ABCA13: variants seen among roughly 807,000 people sequenced by gnomAD.
ABCA13 encodes ATP-binding cassette sub-family A member 13.
Under a neutral mutation model 478.7 loss-of-function variants are expected in ABCA13, and 476 were observed. That is an observed-to-expected ratio of 0.99 (90% confidence interval 0.92 to 1.07). The LOEUF is 1.07. Ranked by LOEUF, ABCA13 falls within the 50% of genes least tolerant of loss-of-function variation. ABCA13 has a pLI of 0.00. For missense variants in ABCA13, 6,060 were observed against 5,910.6 expected (o/e 1.03, Z -0.83); for synonymous variants, 2,252 against 2,158.9 (o/e 1.04, Z -1.20).
chr7:48,555,846 A>T (rs73109385), intron 55 of ABCA13, among the ~76,000 whole-genome samples: 1 of 150,770 alleles, frequency 6.6e-6, no homozygotes, highest in East Asian at 1.9e-4. Context: ...ATTTTTTACC[A>T]ATTTTGGGTT....
intron 55 of ABCA13, among the ~76,000 whole-genome samples, chr7:48,558,150 C>T (rs918076714): frequency 5.6e-5 from 8 of 141,792 alleles, no homozygotes; most frequent in Admixed American, 7.2e-5. Flanking sequence ...TTCCTTTCTC[C>T]ATCCCTCCCT....
chr7:48,266,391 T>G (rs1445414220), intron 15 of ABCA13, among the ~76,000 whole-genome samples: 2 of 151,854 alleles, frequency 1.3e-5, no homozygotes, highest in African/African-American at 4.8e-5. Flanking sequence ...TGAAGCCATC[T>G]AGGCTTTTAG....
intron 29 of ABCA13, among the ~76,000 whole-genome samples, chr7:48,344,097 G>A (rs1425510661): frequency 2.0e-5 from 3 of 152,194 alleles, no homozygotes; most frequent in Non-Finnish European, 2.9e-5. Context: ...GTGATTTGGT[G>A]AGTAGAAGTT....
intron 55 of ABCA13, among the ~76,000 whole-genome samples, 154 bp downstream of exon 55, chr7:48,528,499 G>T (rs1434898033): frequency 6.6e-6 from 1 of 152,134 alleles, no homozygotes; most frequent in Non-Finnish European, 1.5e-5. Context: ...GTGGGGAAAA[G>T]TTTCCAAATA....
intron 59 of ABCA13, chr7:48,626,515 A>G (rs537311585): frequency 1.1e-5 from 8 of 719,086 alleles, no homozygotes; most frequent in East Asian, 2.7e-4. Flanking sequence ...AGGTAAAAAA[A>G]AGGCAAAATA....
intron 41 of ABCA13, among the ~76,000 whole-genome samples, chr7:48,422,773 C>A (rs1045265107): frequency 1.7e-4 from 26 of 152,118 alleles, no homozygotes; most frequent in Non-Finnish European, 8.8e-5. Context: ...CAGGAGATAT[C>A]CCAAATTATC....
At chr7:48,336,917 A>G (rs997303990) in intron 28 of ABCA13, among the ~76,000 whole-genome samples, 6 of 152,242 alleles carry the variant, frequency 3.9e-5, no homozygotes, top group Non-Finnish European at 7.3e-5. Context: ...CTCATGCAAT[A>G]TTATAAGCAC....
At chr7:48,194,716 A>C (rs966700151) in intron 2 of ABCA13, among the ~76,000 whole-genome samples, 39 of 152,220 alleles carry the variant, frequency 2.6e-4, no homozygotes, top group Non-Finnish European at 5.4e-4. Flanking sequence ...TTTAGGTTTT[A>C]CACATATTAG....
rs1785342490 is a variant in ABCA13, at chr7:48,551,744, A to G, written c.14354+23399A>G. On this transcript the variant is annotated intron_variant, in intron 55 of 61. Transcript: ENST00000435803. ...AATCTTAGTTGTGTTTTATTTTTGT[A>G]ACAAAGGATGACTGCAGTGAGAGAT... is the stretch of plus-strand genomic sequence containing the variant. 3.3e-5 allele frequency among the ~76,000 whole-genome samples: 5 copies of G among 151,740 alleles called. No homozygotes were observed. The South Asian group carries it at 1.0e-3, about 32-fold the overall frequency.
At chr7:48,268,122 C>G (rs1795101871) in intron 15 of ABCA13, among the ~76,000 whole-genome samples, 1 of 151,966 alleles carries the variant, frequency 6.6e-6, no homozygotes, top group South Asian at 2.1e-4. Flanking sequence ...TCCTGAGCAC[C>G]AGAAACGGTT....
rs1400462040 is a variant in ABCA13, at chr7:48,276,053, G to T, written c.6387G>T (p.Trp2129Cys). The change falls in exon 17 of 62, where the codon TGG becomes TGT. Residue 2129 changes from tryptophan (W) to cysteine (C), a missense_variant. This residue lies in a region of ABCA13 where 4,423 missense variants were observed against 4,309.1 expected (regional missense o/e 1.03). Transcript: ENST00000435803. ...IEDFLLVTKN[W>C]LQEYANEDYS... ...ATTTTCTATTGGTCACAAAAAACTG[G>T]CTTCAGGAATATGCAAATGAGGATT... 5 of 1,607,232 alleles carry T rather than the reference G, an allele frequency of 3.1e-6. No individual in the cohort carries two copies. The highest frequency in any genetic ancestry group is 2.7e-5 in the African/African-American group (2 of 74,754).
At chr7:48,318,737 G>A (rs1802955968) in intron 27 of ABCA13, among the ~76,000 whole-genome samples, 1 of 151,980 alleles carries the variant, frequency 6.6e-6, no homozygotes, top group Non-Finnish European at 1.5e-5. Context: ...CCTTAGTGTA[G>A]TAAGCTTTTT....
chr7:48,361,319 GA>G (rs1023717168), intron 31 of ABCA13, among the ~76,000 whole-genome samples: 2 of 151,230 alleles, frequency 1.3e-5, no homozygotes, highest in African/African-American at 4.9e-5. Context: ...GTCAAAAAAT[GA>G]AACAATTTTC....
At chr7:48,550,547 C>G (rs1785219694) in intron 55 of ABCA13, among the ~76,000 whole-genome samples, 1 of 151,858 alleles carries the variant, frequency 6.6e-6, no homozygotes, top group Non-Finnish European at 1.5e-5. Context: ...GCGTGAGCCA[C>G]CAAGCCTGGT....
intron 37 of ABCA13, among the ~76,000 whole-genome samples, chr7:48,390,354 C>CG (rs1219091993): frequency 3.9e-5 from 6 of 152,018 alleles, no homozygotes; most frequent in Admixed American, 2.0e-4. Flanking sequence ...CAGTCAAAGA[C>CG]GGGGGGGTCT....
At position 48,240,955 on chromosome 7, in the gene ABCA13, A is replaced by T; in HGVS notation, c.1151A>T (p.Glu384Val). 1 of 1,613,728 alleles carries T rather than the reference A, an allele frequency of 6.2e-7. No individual in the cohort carries two copies. ...HSLEALRNQF[E>V]EESKPWKVVE... ...CTGGAGGCTCTCAGGAATCAGTTTG[A>T]AGAAGAGAGCAAGCCCTGGAAGGTG... is the stretch of plus-strand genomic sequence containing the variant. The change falls in exon 10 of 62, where the codon GAA (glutamate) becomes GTA (valine). Residue 384 changes from glutamate (E) to valine (V), a missense_variant. Physicochemically the swap from Glu to Val is moderately radical, Grantham distance 121. Coordinates refer to ENST00000435803, the MANE Select transcript of ABCA13 (RefSeq NM_152701.5).
intron 58 of ABCA13, among the ~76,000 whole-genome samples, chr7:48,609,851 A>G (rs1309971101): frequency 6.6e-6 from 1 of 152,236 alleles, no homozygotes; most frequent in African/African-American, 2.4e-5. Flanking sequence ...CACTATCACA[A>G]GAATAGCAAC....
intron 55 of ABCA13, among the ~76,000 whole-genome samples, chr7:48,554,894 G>A (rs535521906): frequency 1.3e-5 from 2 of 151,084 alleles, no homozygotes; most frequent in South Asian, 4.2e-4. Flanking sequence ...AATAACAGTG[G>A]TGAAGGTGTC....
chr7:48,181,557 C>CA (rs36146125), intron 1 of ABCA13, among the ~76,000 whole-genome samples: 6,591 of 146,626 alleles, frequency 0.045, 313 homozygotes, highest in East Asian at 0.21. Context: ...AATGTTTTAT[C>CA]TTTTTTTTTT....
Sources: allele counts gnomAD v4.1 joint callset (sites outside exome capture counted in the v4.1 genomes callset), GRCh38; gene constraint gnomAD v4.1.1; regional missense constraint gnomAD v4.1.1; transcripts MANE v1.5; gene names NCBI Gene and HGNC (gene_info 2026-07-23, HGNC 2026-07-21).